Variants in ACAD9 observed in about 807,000 individuals in gnomAD.
ACAD9 encodes complex I assembly factor ACAD9, mitochondrial.
Under a neutral mutation model 70.2 loss-of-function variants are expected in ACAD9, and 53 were observed. That is an observed-to-expected ratio of 0.75 (90% CI 0.61 to 0.95). The LOEUF is 0.95. Among genes scored for constraint, ACAD9 ranks in the 40% least tolerant of loss-of-function variants. The pLI, the probability that ACAD9 is intolerant of heterozygous loss-of-function variation, is 0.00. For synonymous variants in ACAD9, 313 were observed against 312.1 expected (o/e 1.00, Z -0.03); for missense variants, 777 against 802.8 (o/e 0.97, Z 0.39).
chr3:128,906,727 A>G (rs1480548698), intron 12 of ACAD9, among the ~76,000 whole-genome samples: 2 of 152,152 alleles, frequency 1.3e-5, no homozygotes, highest in African/African-American at 4.8e-5. Context: ...TGCTGGCACA[A>G]GGTGAATGAA....
intron 2 of ACAD9, among the ~76,000 whole-genome samples, chr3:128,888,550 G>C (rs895794673): frequency 6.6e-6 from 1 of 152,086 alleles, no homozygotes; most frequent in Non-Finnish European, 1.5e-5. Flanking sequence ...CTGCACTTCA[G>C]CCTGGGTGAC....
At chr3:128,899,526 G>T in intron 7 of ACAD9, 65 bp downstream of exon 7, 1 of 815,360 alleles carries the variant, frequency 1.2e-6, no homozygotes. Flanking sequence ...CTTTGACGGT[G>T]TGTGTGTGTG....
rs868242501 is a variant in ACAD9 at position 128,910,133 on chromosome 3, G to A, written c.1676G>A (p.Arg559His). Reference protein sequence around the residue: ...RASRSIRIGLRNHDHEVLLAN... With the variant: ...RASRSIRIGLHNHDHEVLLAN... Reference sequence around the variant, plus strand: ...AGCCGCTCCATCCGCATTGGGCTCCGCAACCACGACCACGAGGTGAGCCCA... The same window carrying A: ...AGCCGCTCCATCCGCATTGGGCTCCACAACCACGACCACGAGGTGAGCCCA... Residue 559 changes from arginine (R) to histidine (H), a missense_variant, in exon 16 of 18, where the codon CGC becomes CAC. Coordinates refer to ENST00000308982, the MANE Select transcript of ACAD9 (RefSeq NM_014049.5). 36 of 1,613,858 alleles carry A rather than the reference G, an allele frequency of 2.2e-5. No individual in the cohort carries two copies. Among genetic ancestry groups the A allele is most frequent in the African/African-American group, 5.3e-5 (4 of 74,932 alleles).
At chr3:128,893,507 G>A (rs946836132) in intron 2 of ACAD9, 48 bp from the exon 3 acceptor site, 1 of 1,398,084 alleles carries the variant, frequency 7.2e-7, no homozygotes, top group Non-Finnish European at 1.0e-6. Context: ...ACTTATATTT[G>A]TAGAAACATA....
Position 128,897,655 on chromosome 3 carries a change from G to C in ACAD9, c.578G>C (p.Arg193Pro), listed in dbSNP as rs370743216. The C allele has an allele frequency of 6.2e-7, 1 of 1,613,560 alleles. No homozygotes were observed. Among genetic ancestry groups the C allele is most frequent in the Non-Finnish European group, 8.5e-7 (1 of 1,179,838 alleles). Reference protein sequence around the residue: ...PASGSDAASIRSRATLSEDKK... With the variant: ...PASGSDAASIPSRATLSEDKK... Reference sequence around the variant, plus strand: ...AGTGGGAGCGATGCAGCCTCAATCCGGAGCAGAGCCACACTAAGTGAAGAC... The same window carrying C: ...AGTGGGAGCGATGCAGCCTCAATCCCGAGCAGAGCCACACTAAGTGAAGAC... The change falls in exon 6 of 18, where the codon CGG becomes CCG. Residue 193 changes from arginine to proline, a missense_variant. By Grantham distance (103) the Arg-to-Pro change is moderately radical (BLOSUM62 -2). Coordinates refer to ENST00000308982, the MANE Select transcript of ACAD9 (RefSeq NM_014049.5).
In ACAD9 at chr3:128,900,090, C is replaced by T. The variant is rs563717801; in HGVS notation, c.808+629C>T. 4.6e-5 allele frequency among the ~76,000 whole-genome samples: 7 copies of T among 152,196 alleles called. No homozygotes were observed. The East Asian group carries it at 1.2e-3, about 25-fold the overall frequency. ...GGGACTACAGGCGTGCACCACCACACCTGGCTAATTTTTGTATTTTTTGTA... is the reference window on the plus strand; with the variant it reads ...GGGACTACAGGCGTGCACCACCACATCTGGCTAATTTTTGTATTTTTTGTA... On this transcript the variant is annotated intron_variant, in intron 7 of 17. Coordinates refer to ENST00000308982, the MANE Select transcript of ACAD9 (RefSeq NM_014049.5).
At chr3:128,886,533 A>C (rs915304853) in intron 2 of ACAD9, among the ~76,000 whole-genome samples, 3 of 151,524 alleles carry the variant, frequency 2.0e-5, no homozygotes, top group Non-Finnish European at 4.4e-5. Context: ...ACATGGAGAA[A>C]CCTCATCTCT....
intron 1 of ACAD9, among the ~76,000 whole-genome samples, chr3:128,884,152 A>G (rs920546682): frequency 6.6e-6 from 1 of 152,226 alleles, no homozygotes; most frequent in Non-Finnish European, 1.5e-5. Flanking sequence ...AGCTCACACA[A>G]TAATTGATGT....
chr3:128,912,447 C>A, intron 17 of ACAD9, 60 bp from the exon 18 acceptor site: 1 of 1,502,514 alleles, frequency 6.7e-7, no homozygotes, highest in Non-Finnish European at 9.2e-7. Flanking sequence ...CCCACTTCAG[C>A]CATGTTTGTC....
At chr3:128,903,657 C>T (rs893267720) in intron 9 of ACAD9, among the ~76,000 whole-genome samples, 2 of 152,224 alleles carry the variant, frequency 1.3e-5, no homozygotes, top group African/African-American at 2.4e-5. Context: ...GGTCACTGCA[C>T]GGGGTGTGAG....
At chr3:128,900,149 C>G (rs923618822) in intron 7 of ACAD9, among the ~76,000 whole-genome samples, 5 of 152,184 alleles carry the variant, frequency 3.3e-5, no homozygotes, top group African/African-American at 1.2e-4. Flanking sequence ...CCAGACTTGT[C>G]TTGAACTCCT....
chr3:128,881,170 A>T (rs796376678), intron 1 of ACAD9, among the ~76,000 whole-genome samples: 51 of 152,348 alleles, frequency 3.3e-4, no homozygotes, highest in African/African-American at 1.2e-3. Context: ...GTGCGGAGCT[A>T]TGTCTTGAAC....
chr3:128,890,378 G>A (rs1165670523), intron 2 of ACAD9, among the ~76,000 whole-genome samples: 5 of 151,922 alleles, frequency 3.3e-5, no homozygotes, highest in East Asian at 3.9e-4. Context: ...GAGCCACCTC[G>A]CCCAGCCTGG....
Position 128,890,301 on chromosome 3 carries a change from A to G in ACAD9, c.245-3254A>G, listed in dbSNP as rs558531515. On this transcript the variant is annotated intron_variant, in intron 2 of 17. Coordinates refer to ENST00000308982, the MANE Select transcript of ACAD9 (RefSeq NM_014049.5). ...GGGCTTCACCATGTTGGCCAGGCCA[A>G]TCTCGAACTCCTGACCTCAGGTGAT... 1.1e-4 allele frequency among the ~76,000 whole-genome samples: 17 copies of G among 152,050 alleles called. No individual in the cohort carries two copies. In the South Asian group the frequency reaches 2.7e-3, roughly 24 times the overall value.
At chr3:128,896,042 G>T (rs1374608626) in intron 4 of ACAD9, among the ~76,000 whole-genome samples, 1 of 152,238 alleles carries the variant, frequency 6.6e-6, no homozygotes, top group Admixed American at 6.5e-5. Context: ...CTTGGTTCCA[G>T]CACTCCTGTG....
intron 17 of ACAD9, among the ~76,000 whole-genome samples, chr3:128,911,406 C>A (rs1352102377): frequency 3.3e-5 from 5 of 152,058 alleles, no homozygotes; most frequent in Non-Finnish European, 7.4e-5. Flanking sequence ...TTGCGCAGGA[C>A]CCCTGGCATC....
chr3:128,909,179 G>T (rs1936022818), intron 14 of ACAD9, 80 bp downstream of exon 14: 5 of 1,602,624 alleles, frequency 3.1e-6, no homozygotes, highest in Non-Finnish European at 3.4e-6. Flanking sequence ...ATCTCACTGT[G>T]GGGGGTCTGG....
In ACAD9 at chr3:128,884,782, T is replaced by C. The variant is rs1478422301; in HGVS notation, c.244+36T>C. 4 of 1,430,536 alleles carry C rather than the reference T, an allele frequency of 2.8e-6. No homozygotes were observed. In the African/African-American group the frequency reaches 4.2e-5, roughly 15 times the overall value. 88.6% of individuals were successfully genotyped at this position (1,430,536 alleles called of 1,614,324 possible). A position where few individuals can be genotyped will look rare whatever the true frequency, so the allele number is the denominator to read the frequency against. The stretch of plus-strand genomic sequence containing the variant: ...TTTTCTTTACCATTGCCGATTTCCA[T>C]TGTAAGGGCTATTTGGTTGATATTT... On this transcript the variant is annotated intron_variant, in intron 2 of 17. Coordinates refer to ENST00000308982, the MANE Select transcript of ACAD9 (RefSeq NM_014049.5).
At chr3:128,906,337 C>G in intron 12 of ACAD9, 88 bp downstream of exon 12, 1 of 1,582,176 alleles carries the variant, frequency 6.3e-7, no homozygotes, top group Non-Finnish European at 8.6e-7. Flanking sequence ...CAGAGGCCCC[C>G]GCAGCCCAGG....
Sources: allele counts gnomAD v4.1 joint callset (sites outside exome capture counted in the v4.1 genomes callset), GRCh38; gene constraint gnomAD v4.1.1; transcripts MANE v1.5; gene names NCBI Gene and HGNC (gene_info 2026-07-23, HGNC 2026-07-21).